The following SCOC variants were observed in gnomAD, a reference collection of about 807,000 sequenced individuals.
SCOC encodes the protein short coiled-coil protein.
SCOC carries 7 observed loss-of-function variants against 9.9 expected under a neutral mutation model. The ratio of observed to expected loss-of-function variants is 0.71; its 90% CI spans 0.40 to 1.33. The LOEUF is 1.33. Among genes scored for constraint, SCOC ranks in the 40% most tolerant of loss-of-function variants. SCOC has a pLI of 0.01. For missense variants in SCOC, 66 were observed against 89.7 expected, an observed-to-expected ratio of 0.74 and a Z score of 1.07; for synonymous variants, 19 against 28.2, an observed-to-expected ratio of 0.67 and a Z score of 1.03.
chr4:140,321,246 T>C (rs1451114371), intron 1 of SCOC, among the ~76,000 whole-genome samples: 1 of 152,156 alleles, frequency 6.6e-6, no homozygotes, highest in Non-Finnish European at 1.5e-5. Context: ...ATTTACATAG[T>C]ATCTACTGCC....
intron 2 of SCOC, among the ~76,000 whole-genome samples, chr4:140,361,711 A>C (rs1000223101): frequency 1.3e-5 from 2 of 152,146 alleles, no homozygotes; most frequent in African/African-American, 4.8e-5. Flanking sequence ...TGGGACAAAC[A>C]ATGCTCCAAG....
intron 1 of SCOC, among the ~76,000 whole-genome samples, chr4:140,279,445 T>G (rs562779298): frequency 1.5e-4 from 23 of 152,332 alleles, no homozygotes; most frequent in African/African-American, 5.1e-4. Flanking sequence ...GATTGGCACA[T>G]GGCAGCCACT....
chr4:140,316,667 C>T (rs541942711), intron 1 of SCOC, among the ~76,000 whole-genome samples: 3 of 152,214 alleles, frequency 2.0e-5, no homozygotes, highest in Non-Finnish European at 4.4e-5. Flanking sequence ...TCCCTTGCTG[C>T]CCTGACCACC....
chr4:140,373,562 A>C, upstream of SCOC: 1 of 1,551,726 alleles, frequency 6.4e-7, no homozygotes, highest in East Asian at 2.4e-5. Flanking sequence ...TTCTCGAGTC[A>C]GGATTGGCGG....
intron 3 of SCOC, among the ~76,000 whole-genome samples, chr4:140,380,296 C>G (rs749369484): frequency 1.4e-5 from 2 of 146,136 alleles, no homozygotes; most frequent in Non-Finnish European, 3.0e-5. Flanking sequence ...CTCCCAGGTT[C>G]AAGCGATTCT....
chr4:140,341,792 C>T (rs1726519605), upstream of SCOC, among the ~76,000 whole-genome samples: 1 of 152,164 alleles, frequency 6.6e-6, no homozygotes, highest in African/African-American at 2.4e-5. Context: ...GCCAGCTGCT[C>T]CCAGCCAGTA....
intron 3 of SCOC, 100 bp from the exon 4 acceptor site, chr4:140,380,856 ATTTAAG>A: frequency 1.1e-6 from 1 of 876,468 alleles, no homozygotes; most frequent in Non-Finnish European, 1.6e-6. Flanking sequence ...AATTCTTAAA[ATTTAAG>A]GATTGTATTA....
At chr4:140,354,225 T>C (rs959310662) in intron 2 of SCOC, among the ~76,000 whole-genome samples, 2 of 152,202 alleles carry the variant, frequency 1.3e-5, no homozygotes, top group African/African-American at 4.8e-5. Context: ...TTCTTATCAT[T>C]CTTTTTTACT....
intron 2 of SCOC, chr4:140,343,756 C>T: frequency 7.8e-7 from 1 of 1,289,120 alleles, no homozygotes; most frequent in African/African-American, 1.5e-5. Flanking sequence ...AACAACAGCT[C>T]AGTTTTTTAA....
chr4:140,266,698 A>G (rs1291170130), intron 1 of SCOC, among the ~76,000 whole-genome samples: 1 of 152,188 alleles, frequency 6.6e-6, no homozygotes, highest in Non-Finnish European at 1.5e-5. Context: ...AATCAAGACA[A>G]AATAAAGAGC....
intron 1 of SCOC, among the ~76,000 whole-genome samples, chr4:140,330,214 C>T (rs1432809193): frequency 2.6e-5 from 4 of 152,038 alleles, no homozygotes; most frequent in Non-Finnish European, 4.4e-5. Context: ...AAACAAACAT[C>T]CTATGTTCTC....
At chr4:140,323,346 C>T (rs558878823) in intron 1 of SCOC, among the ~76,000 whole-genome samples, 1 of 152,290 alleles carries the variant, frequency 6.6e-6, no homozygotes, top group East Asian at 1.9e-4. Context: ...GATGCTGGTG[C>T]CATGCTTGTA....
chr4:140,376,638 C>T (rs1419998656), intron 1 of SCOC: 1 of 152,202 alleles, frequency 6.6e-6, no homozygotes, highest in African/African-American at 2.4e-5. Context: ...CCTCTCCACC[C>T]TGTTTTTCTG....
intron 2 of SCOC, 32 bp downstream of exon 2, chr4:140,379,224 C>T (rs1342395244): frequency 2.1e-6 from 3 of 1,410,884 alleles, no homozygotes; most frequent in Non-Finnish European, 3.0e-6. Context: ...TTGTATACTC[C>T]TGGTTTTGTG....
At chr4:140,310,327 G>A (rs374621768) in intron 1 of SCOC, among the ~76,000 whole-genome samples, 4 of 152,102 alleles carry the variant, frequency 2.6e-5, no homozygotes, top group East Asian at 1.9e-4. Flanking sequence ...CTTCTCATCC[G>A]GGGGAAGTCA....
At chr4:140,380,865 T>C in intron 3 of SCOC, 97 bp from the exon 4 acceptor site, 1 of 936,184 alleles carries the variant, frequency 1.1e-6, no homozygotes, top group Admixed American at 3.1e-5. Context: ...AATTTAAGGA[T>C]TGTATTATTT....
At position 140,354,196 on chromosome 4, in the gene SCOC, AT is replaced by A. The variant is rs556010205; in HGVS notation, c.70+10498del. On this transcript the variant is annotated intron_variant, in intron 2 of 4. Coordinates refer to the SCOC transcript ENST00000338517. ...CTTCCTTTATAAAAATGTTTAGAAG[AT>A]TTTTTTTTTAACAATGTTTCTTATC... is the stretch of plus-strand genomic sequence containing the variant. Among the ~76,000 whole-genome samples the A allele has an allele frequency of 6.6e-4, 99 of 150,246 alleles. No individual in the cohort carries two copies. The East Asian group carries it at 9.4e-3, about 14-fold the overall frequency.
chr4:140,381,064 G>C lies in SCOC; in HGVS notation c.209G>C (p.Ser70Thr), dbSNP rs373414144. 6 of 1,601,242 alleles carry C rather than the reference G, an allele frequency of 3.7e-6. No individual in the cohort carries two copies. Among genetic ancestry groups the C allele is most frequent in the African/African-American group, 1.4e-5 (1 of 73,892 alleles). ...ATAGAAAATCTCATGTCAGCTTCTA[G>C]TGTTTTTCAAACAACTGACACAAAA... is the stretch of plus-strand genomic sequence containing the variant. ...QYIENLMSAS[S>T]VFQTTDTKSK... The change falls in exon 4 of 4, where the codon AGT becomes ACT. Residue 70 changes from serine (S) to threonine (T), a missense_variant. Physicochemically the swap from Ser to Thr is moderately conservative, Grantham distance 58 (BLOSUM62 1). Transcript: ENST00000608372.
chr4:140,283,235 C>T (rs1227538594), intron 1 of SCOC, among the ~76,000 whole-genome samples: 1 of 152,052 alleles, frequency 6.6e-6, no homozygotes, highest in Non-Finnish European at 1.5e-5. Flanking sequence ...ATTTTCTATA[C>T]CTTATAAAAA....
Sources: gnomAD v4.1 joint callset for allele counts (sites outside exome capture counted in the v4.1 genomes callset) on GRCh38, gnomAD v4.1.1 for gene constraint, MANE v1.5 for transcripts, NCBI Gene and HGNC (gene_info 2026-07-23, HGNC 2026-07-21) for gene names.